The following IL4I1 variants were observed in gnomAD, a reference collection of about 807,000 sequenced individuals.
IL4I1 encodes L-amino-acid oxidase.
IL4I1 carries 24 observed loss-of-function variants against 29.7 expected under a neutral mutation model. The observed-to-expected ratio is 0.81, with a 90% CI of 0.59 to 1.14. The LOEUF (loss-of-function observed/expected upper bound fraction) is 1.14. Ranked by LOEUF, IL4I1 falls within the 50% of genes most tolerant of loss-of-function variation. IL4I1 has a pLI of 0.00. For synonymous variants in IL4I1, 371 were observed against 352.5 expected (o/e 1.05, Z -0.59); for missense variants, 686 against 785.6 (o/e 0.87, Z 1.52).
At chr19:49,909,584 G>A in intron 2 of IL4I1, 3 of 1,614,232 alleles carry the variant, frequency 1.9e-6, no homozygotes, top group Non-Finnish European at 2.5e-6. Flanking sequence ...TGTTCCAAAA[G>A]TGAAGCCTGT....
Position 49,921,771 on chromosome 19 carries a change from T to C in IL4I1, c.-228+5923A>G, listed in dbSNP as rs549547394. On this transcript the variant is annotated intron_variant, in intron 2 of 9. Coordinates refer to the IL4I1 transcript ENST00000341114. The surrounding 1 kb of genome is among the most constrained non-coding windows in gnomAD (Gnocchi z 5.4). ...CTGCCTCTCCCCGCAGCTCCGACCA[T>C]GACCATCCATCCTATGAGTGCTGGC... Among the ~76,000 whole-genome samples, 1 of 152,306 alleles carries C rather than the reference T, an allele frequency of 6.6e-6. No individual in the cohort carries two copies. Among genetic ancestry groups the C allele is most frequent in the African/African-American group, 2.4e-5 (1 of 41,578 alleles).
intron 2 of IL4I1, among the ~76,000 whole-genome samples, chr19:49,926,188 AAC>A (rs2075882455): frequency 1.5e-5 from 2 of 137,472 alleles, no homozygotes; most frequent in African/African-American, 5.5e-5. Context: ...CAGCCTGGGC[AAC>A]AGAGCGAGAC....
At chr19:49,929,200 G>C (rs1473818940) in intron 1 of IL4I1, 1 of 152,756 alleles carries the variant, frequency 6.5e-6, no homozygotes, top group African/African-American at 2.4e-5. Context: ...CCCCGGGGCC[G>C]CCTCATTCCC....
chr19:49,927,604 A>C (rs1271716396), intron 2 of IL4I1: 1 of 152,206 alleles, frequency 6.6e-6, no homozygotes, highest in African/African-American at 2.4e-5. Flanking sequence ...GGCAGAGTGG[A>C]CAGTAAGTGC....
chr19:49,909,086 G>A, intron 2 of IL4I1: 5 of 1,612,616 alleles, frequency 3.1e-6, no homozygotes, highest in Non-Finnish European at 4.2e-6. Flanking sequence ...GGTCACAGGG[G>A]TACAGAGGGA....
chr19:49,908,683 C>G (rs746120885), intron 2 of IL4I1: 1 of 1,612,136 alleles, frequency 6.2e-7, no homozygotes, highest in Non-Finnish European at 8.5e-7. Context: ...CCTCGCGGTG[C>G]AGGCTGGTGA....
At chr19:49,896,274 G>A in intron 1 of IL4I1, 92 bp from the exon 2 acceptor site, 1 of 1,409,938 alleles carries the variant, frequency 7.1e-7, no homozygotes, top group Non-Finnish European at 9.4e-7. Context: ...AGCTGCTAGA[G>A]CCGGCCCTCC....
chr19:49,889,938 G>T lies in IL4I1; in HGVS notation c.1436C>A (p.Ala479Asp). The change falls in exon 8 of 8, where the codon GCC (alanine) becomes GAC (aspartate). Residue 479 changes from alanine (A) to aspartate (D), a missense_variant. Ala to Asp is a moderately radical substitution (Grantham distance 126, BLOSUM62 -2). Transcript: ENST00000391826. The stretch of plus-strand genomic sequence containing the variant: ...GTGCGGGTAGGCGGTGTGCTCGCCG[G>T]CAAAGTAGATGCGGCCATAAGGGAC... ...WTVPYGRIYF[A>D]GEHTAYPHGW... 1 of 1,603,422 alleles carries T rather than the reference G, an allele frequency of 6.2e-7. No individual in the cohort carries two copies.
chr19:49,928,158 C>T (rs570363191), intron 1 of IL4I1: 112 of 152,354 alleles, frequency 7.4e-4, no homozygotes, highest in African/African-American at 2.6e-3. Flanking sequence ...GTTGGACAGT[C>T]CAACGTCTGC....
intron 2 of IL4I1, chr19:49,907,382 G>A (rs982336521): frequency 5.8e-6 from 2 of 346,440 alleles, no homozygotes; most frequent in African/African-American, 4.6e-5. Flanking sequence ...AACACCCTGT[G>A]TGTGCAGGCC....
chr19:49,923,925 G>A (rs1412233456), intron 2 of IL4I1, among the ~76,000 whole-genome samples: 1 of 152,242 alleles, frequency 6.6e-6, no homozygotes, highest in African/African-American at 2.4e-5. Flanking sequence ...ACTGAGTGCT[G>A]GGCTCAGGAC....
chr19:49,890,939 C>G (rs533936001), intron 7 of IL4I1, 32 bp downstream of exon 7: 3 of 423,408 alleles, frequency 7.1e-6, no homozygotes, highest in African/African-American at 3.5e-5. Context: ...GCCCCCCGCC[C>G]CCCCCCCCTG....
chr19:49,897,149 C>T (rs776046038), upstream of IL4I1, among the ~76,000 whole-genome samples: 3 of 152,204 alleles, frequency 2.0e-5, no homozygotes, highest in African/African-American at 7.2e-5. Context: ...GAATCCCCTT[C>T]GGTTTGCCCC....
chr19:49,925,999 A>G (rs993683980), intron 2 of IL4I1, among the ~76,000 whole-genome samples: 1 of 152,030 alleles, frequency 6.6e-6, no homozygotes, highest in African/African-American at 2.4e-5. Flanking sequence ...TCACGAGGTC[A>G]TGAGTTCGAG....
At chr19:49,916,546 G>A (rs557883974) in intron 2 of IL4I1, among the ~76,000 whole-genome samples, 2 of 152,138 alleles carry the variant, frequency 1.3e-5, no homozygotes, top group South Asian at 4.1e-4. Flanking sequence ...GGCCGAGGCG[G>A]GCGGATCACT....
chr19:49,892,633 C>T (rs2075154229), intron 5 of IL4I1, among the ~76,000 whole-genome samples: 1 of 152,234 alleles, frequency 6.6e-6, no homozygotes, highest in South Asian at 2.1e-4. Flanking sequence ...GAATCTCACC[C>T]CCTCCCAGAA....
chr19:49,907,902 G>A lies in IL4I1; in HGVS notation c.-227-3581C>T, dbSNP rs563111900. 7.7e-5 allele frequency: 33 copies of A among 428,114 alleles called. No individual in the cohort carries two copies. In the East Asian group the frequency reaches 1.5e-3, roughly 19 times the overall value. The allele number at this position is 428,114 out of a possible 1,614,324, so 26.5% of individuals were successfully genotyped here. ...TGACTATGCTTTGGAGAGAGTGGCT[G>A]CCCCCACGACCCTGGCTGGGACCAA... is the stretch of plus-strand genomic sequence containing the variant. On this transcript the variant is annotated intron_variant, in intron 2 of 9. Transcript: ENST00000341114.
At chr19:49,925,860 T>A (rs995491328) in intron 2 of IL4I1, among the ~76,000 whole-genome samples, 9 of 152,196 alleles carry the variant, frequency 5.9e-5, no homozygotes, top group Non-Finnish European at 1.0e-4. Context: ...CCGTATTATC[T>A]TTGCAACTTT....
intron 5 of IL4I1, 63 bp from the exon 6 acceptor site, chr19:49,891,536 T>G: frequency 7.1e-7 from 1 of 1,411,810 alleles, no homozygotes; most frequent in Non-Finnish European, 1.0e-6. Context: ...AGGCCGGGCC[T>G]GGAGCCCACA....
Sources: gnomAD v4.1 joint callset for allele counts (sites outside exome capture counted in the v4.1 genomes callset) on GRCh38, gnomAD v4.1.1 for gene constraint, Gnocchi (gnomAD v3.1) non-coding constraint, MANE v1.5 for transcripts, NCBI Gene and HGNC (gene_info 2026-07-23, HGNC 2026-07-21) for gene names.